The following GRM7 variants were observed in gnomAD, a reference collection of about 807,000 sequenced individuals.
GRM7 encodes glutamate metabotropic receptor 7, also known as metabotropic glutamate receptor 7.
Under a neutral mutation model 84.5 loss-of-function variants are expected in GRM7, and 35 were observed. That is an observed-to-expected ratio of 0.41 (90% CI 0.32 to 0.55). GRM7 has a LOEUF of 0.55. GRM7 is among the 20% of genes least tolerant of loss of function. The pLI, the probability that GRM7 is intolerant of heterozygous loss-of-function variation, is 0.19. For missense variants in GRM7, 1,003 were observed against 1,194.6 expected (o/e 0.84, Z 2.36); for synonymous variants, 487 against 455.1 (o/e 1.07, Z -0.89).
Position 7,294,564 on chromosome 3 carries a change from T to TA in GRM7, c.737-4108dup, listed in dbSNP as rs202239849. On this transcript the variant is annotated intron_variant, in intron 2 of 9. Transcript: ENST00000357716. ...CTATGCCACCTTCCTAAGAGCTCCC[T>TA]AAAAAAAAAAAAGAAAAATGTTTGG... 1.9e-3 allele frequency among the ~76,000 whole-genome samples: 144 copies of TA among 75,072 alleles called. 1 individual carries two copies. The highest frequency in any genetic ancestry group is 0.013 in the African/African-American group (104 of 7,974). 49.3% of individuals were successfully genotyped at this position (75,072 alleles called of 152,430 possible).
At chr3:7,114,321 A>G (rs1019114102) in intron 1 of GRM7, among the ~76,000 whole-genome samples, 1 of 152,172 alleles carries the variant, frequency 6.6e-6, no homozygotes, top group African/African-American at 2.4e-5. Context: ...GTCCCTTCAC[A>G]TACCTTACTT....
chr3:6,889,139 A>G (rs1044090452), intron 1 of GRM7, among the ~76,000 whole-genome samples: 13 of 152,098 alleles, frequency 8.5e-5, no homozygotes, highest in African/African-American at 2.4e-4. Context: ...GGGCTGAGAC[A>G]ATGGGGTTTT....
chr3:7,219,831 C>G (rs1408153019), intron 2 of GRM7, among the ~76,000 whole-genome samples: 1 of 152,056 alleles, frequency 6.6e-6, no homozygotes. Context: ...AATGGCTGAT[C>G]TTATGATTGA....
intron 2 of GRM7, among the ~76,000 whole-genome samples, chr3:7,264,324 C>T (rs1044247508): frequency 1.3e-5 from 2 of 152,042 alleles, no homozygotes; most frequent in Non-Finnish European, 2.9e-5. Context: ...TACAGACACT[C>T]CTGCGCCAAA....
At chr3:7,611,200 T>C (rs1264660931) in intron 8 of GRM7, among the ~76,000 whole-genome samples, 3 of 152,194 alleles carry the variant, frequency 2.0e-5, no homozygotes, top group Non-Finnish European at 4.4e-5. Flanking sequence ...TCTTGGATTA[T>C]TGCGAAAGAT....
At chr3:7,238,997 C>T (rs9876753) in intron 2 of GRM7, among the ~76,000 whole-genome samples, 122,434 of 137,354 alleles carry the variant, frequency 0.89, 54,695 homozygotes, top group East Asian at 0.98. Context: ...TTCTTTTTTC[C>T]TTTTTCTTTT....
intron 7 of GRM7, among the ~76,000 whole-genome samples, chr3:7,484,961 G>C (rs138631184): frequency 6.6e-6 from 1 of 152,284 alleles, no homozygotes; most frequent in Non-Finnish European, 1.5e-5. Flanking sequence ...AAAGAAGTTA[G>C]CTGCCAGATT....
chr3:7,655,594 C>G (rs1440514872), intron 8 of GRM7, among the ~76,000 whole-genome samples: 1 of 152,156 alleles, frequency 6.6e-6, no homozygotes, highest in Non-Finnish European at 1.5e-5. Flanking sequence ...CACTTATATG[C>G]CTTGGAGGTA....
At chr3:7,167,134 C>T (rs568249382) in intron 2 of GRM7, among the ~76,000 whole-genome samples, 4 of 152,310 alleles carry the variant, frequency 2.6e-5, no homozygotes, top group African/African-American at 9.6e-5. Context: ...TGTTTCCAAT[C>T]AATCAAATAT....
At chr3:7,721,739 G>A (rs1409411579) in intron 9 of GRM7, among the ~76,000 whole-genome samples, 1 of 152,170 alleles carries the variant, frequency 6.6e-6, no homozygotes, top group Non-Finnish European at 1.5e-5. Context: ...ATGATTCCCA[G>A]TTCCAGTATT....
At chr3:6,997,327 T>C (rs1025386951) in intron 1 of GRM7, among the ~76,000 whole-genome samples, 1 of 152,208 alleles carries the variant, frequency 6.6e-6, no homozygotes, top group Non-Finnish European at 1.5e-5. Flanking sequence ...TATAAAGACA[T>C]ACCCATAACT....
chr3:7,540,204 G>A (rs1008817812), intron 7 of GRM7, among the ~76,000 whole-genome samples: 1 of 152,136 alleles, frequency 6.6e-6, no homozygotes, highest in African/African-American at 2.4e-5. Flanking sequence ...GGGATAACCA[G>A]ATGACCCAGC....
At chr3:7,699,654 G>T (rs1382968495) in intron 9 of GRM7, among the ~76,000 whole-genome samples, 2 of 151,596 alleles carry the variant, frequency 1.3e-5, no homozygotes, top group South Asian at 4.2e-4. Context: ...CTCCTACTGG[G>T]TTTTTTTTAT....
intron 1 of GRM7, among the ~76,000 whole-genome samples, chr3:7,050,183 CACA>C (rs2124953462): frequency 6.6e-6 from 1 of 151,970 alleles, no homozygotes; most frequent in Admixed American, 6.6e-5. Flanking sequence ...CTACATGTTC[CACA>C]CATTCATAAC....
chr3:7,487,993 T>C (rs932579966), intron 7 of GRM7, among the ~76,000 whole-genome samples: 28 of 152,136 alleles, frequency 1.8e-4, no homozygotes, highest in Non-Finnish European at 3.8e-4. Flanking sequence ...GATCCACACT[T>C]GTAGCAATGT....
chr3:7,090,502 A>G (rs1698623266), intron 1 of GRM7, among the ~76,000 whole-genome samples: 1 of 152,160 alleles, frequency 6.6e-6, no homozygotes, highest in Non-Finnish European at 1.5e-5. Context: ...GAGGCCTCCA[A>G]CCCCCTTCCC....
chr3:7,438,587 C>A (rs577635966), intron 5 of GRM7, among the ~76,000 whole-genome samples: 1 of 152,146 alleles, frequency 6.6e-6, no homozygotes, highest in Admixed American at 6.5e-5. Context: ...CCAGAAGGGG[C>A]AAGCAGACAG....
chr3:7,204,319 C>G (rs1696162780), intron 2 of GRM7, among the ~76,000 whole-genome samples: 1 of 152,206 alleles, frequency 6.6e-6, no homozygotes, highest in African/African-American at 2.4e-5. Context: ...CTGAGATTAT[C>G]TCTTCCAGAC....
intron 7 of GRM7, among the ~76,000 whole-genome samples, chr3:7,567,029 C>A (rs1377877483): frequency 4.6e-5 from 7 of 152,166 alleles, no homozygotes; most frequent in African/African-American, 1.7e-4. Flanking sequence ...GGGAGAACTA[C>A]AATGAAATCC....
Sources: gnomAD v4.1 joint callset for allele counts (sites outside exome capture counted in the v4.1 genomes callset) on GRCh38, gnomAD v4.1.1 for gene constraint, MANE v1.5 for transcripts, NCBI Gene and HGNC (gene_info 2026-07-23, HGNC 2026-07-21) for gene names.